The following HHAT variants were observed in gnomAD, a reference collection of about 807,000 sequenced individuals.
HHAT encodes the protein hedgehog acyltransferase.
A neutral mutation model predicts 70.8 loss-of-function variants in HHAT; 47 were observed. The observed-to-expected ratio is 0.66, with a 90% CI of 0.53 to 0.85. The LOEUF is 0.85. Ranked by LOEUF, HHAT falls within the 40% of genes least tolerant of loss-of-function variation. The pLI, the probability that HHAT is intolerant of heterozygous loss-of-function variation, is 0.00. For synonymous variants in HHAT, 228 were observed against 247.6 expected, an observed-to-expected ratio of 0.92 and a Z score of 0.74; for missense variants, 609 against 604.8, an observed-to-expected ratio of 1.01 and a Z score of -0.07.
intron 11 of HHAT, among the ~76,000 whole-genome samples, chr1:210,637,842 G>C (rs1361535197): frequency 7.5e-6 from 1 of 132,790 alleles, no homozygotes; most frequent in Admixed American, 8.1e-5. Context: ...TCTGGCAACA[G>C]AGTGAGACTC....
chr1:210,365,015 G>A (rs867489330), intron 3 of HHAT, among the ~76,000 whole-genome samples: 1 of 152,270 alleles, frequency 6.6e-6, no homozygotes, highest in Middle Eastern at 3.4e-3. Flanking sequence ...TGCATGTGGG[G>A]TGGGTGGTTT....
chr1:210,363,682 G>T (rs2148030511), intron 3 of HHAT, among the ~76,000 whole-genome samples: 1 of 152,274 alleles, frequency 6.6e-6, no homozygotes, highest in African/African-American at 2.4e-5. Flanking sequence ...CATGGTGGGG[G>T]CTTCGGGTCA....
intron 8 of HHAT, among the ~76,000 whole-genome samples, chr1:210,470,186 C>T (rs1178703722): frequency 6.6e-6 from 1 of 151,982 alleles, no homozygotes; most frequent in Non-Finnish European, 1.5e-5. Flanking sequence ...AAAGAAAGAC[C>T]CGATAGGGTG....
intron 10 of HHAT, among the ~76,000 whole-genome samples, chr1:210,605,474 G>T (rs1232218149): frequency 6.6e-6 from 1 of 152,078 alleles, no homozygotes; most frequent in Non-Finnish European, 1.5e-5. Context: ...GGACAACATG[G>T]GTTTCGATTG....
intron 8 of HHAT, among the ~76,000 whole-genome samples, chr1:210,472,351 C>T (rs1376693137): frequency 6.6e-6 from 1 of 152,184 alleles, no homozygotes; most frequent in East Asian, 1.9e-4. Flanking sequence ...GAGTAACTCT[C>T]CTCAGATCAC....
At chr1:210,615,360 T>C (rs1159271062) in intron 10 of HHAT, among the ~76,000 whole-genome samples, 1 of 152,248 alleles carries the variant, frequency 6.6e-6, no homozygotes, top group Admixed American at 6.5e-5. Flanking sequence ...TCAATGTTTT[T>C]AACTTCTTTG....
chr1:210,374,755 T>C (rs1571989496), intron 3 of HHAT, among the ~76,000 whole-genome samples: 1 of 141,418 alleles, frequency 7.1e-6, no homozygotes. Context: ...GCTTCCCCAG[T>C]GGGGAATCTT....
At chr1:210,397,403 T>C (rs4845012) in intron 4 of HHAT, among the ~76,000 whole-genome samples, 1 of 152,106 alleles carries the variant, frequency 6.6e-6, no homozygotes, top group East Asian at 1.9e-4. Flanking sequence ...TTTTGGTGTT[T>C]AGGTGGGTTT....
At chr1:210,646,325 A>G (rs1674061154) in intron 11 of HHAT, among the ~76,000 whole-genome samples, 1 of 152,206 alleles carries the variant, frequency 6.6e-6, no homozygotes, top group South Asian at 2.1e-4. Flanking sequence ...AGAAAAAAAT[A>G]TTTACAAACT....
At chr1:210,378,084 C>T (rs1369090116) in intron 3 of HHAT, among the ~76,000 whole-genome samples, 1 of 152,206 alleles carries the variant, frequency 6.6e-6, no homozygotes, top group Non-Finnish European at 1.5e-5. Flanking sequence ...AAAGAAAACT[C>T]TTCCAATAAT....
intron 10 of HHAT, among the ~76,000 whole-genome samples, chr1:210,606,463 A>G (rs1665458542): frequency 6.8e-6 from 1 of 146,232 alleles, no homozygotes; most frequent in African/African-American, 2.5e-5. Flanking sequence ...TCTCAGATAG[A>G]ATTTTCCACA....
chr1:210,545,570 A>G (rs1238818615), intron 9 of HHAT, among the ~76,000 whole-genome samples: 1 of 151,256 alleles, frequency 6.6e-6, no homozygotes, highest in African/African-American at 2.4e-5. Context: ...CTAAGTAGCT[A>G]GGACTACAGG....
intron 9 of HHAT, among the ~76,000 whole-genome samples, chr1:210,556,184 C>T (rs1444509191): frequency 6.6e-6 from 1 of 152,130 alleles, no homozygotes; most frequent in Non-Finnish European, 1.5e-5. Flanking sequence ...GTGTAAATTG[C>T]AGCCCTTCCA....
intron 11 of HHAT, among the ~76,000 whole-genome samples, chr1:210,656,582 T>C (rs1676469809): frequency 1.3e-5 from 2 of 152,164 alleles, no homozygotes; most frequent in Non-Finnish European, 2.9e-5. Flanking sequence ...AGAGCAGCTA[T>C]AGCGTGAGAC....
rs115241059 is a variant in HHAT, at chr1:210,436,815, C to G, written c.856+18490C>G. On this transcript the variant is annotated intron_variant, in intron 7 of 11. Transcript: ENST00000261458. ...TTTCCCTTTGGCAGTAAGGGTTAGG[C>G]CTCTCAGCTTGTACTATAACTCCTC... Among the ~76,000 whole-genome samples the G allele has an allele frequency of 2.7e-3, 414 of 151,956 alleles. 2 individuals carry two copies. Among genetic ancestry groups the G allele is most frequent in the Non-Finnish European group, 3.7e-3 (255 of 68,016 alleles).
intron 9 of HHAT, among the ~76,000 whole-genome samples, chr1:210,541,435 A>G (rs2095429752): frequency 1.3e-5 from 2 of 152,160 alleles, no homozygotes; most frequent in African/African-American, 4.8e-5. Context: ...ACTGCTCTAG[A>G]AAAGAATACC....
chr1:210,605,754 G>T (rs1665269685), intron 10 of HHAT, among the ~76,000 whole-genome samples: 1 of 151,970 alleles, frequency 6.6e-6, no homozygotes, highest in African/African-American at 2.4e-5. Flanking sequence ...CCATTCTTGG[G>T]TCCCTTTCCC....
intron 9 of HHAT, among the ~76,000 whole-genome samples, chr1:210,559,180 T>A (rs886087602): frequency 1.3e-5 from 2 of 152,176 alleles, no homozygotes; most frequent in Non-Finnish European, 2.9e-5. Context: ...CTGTAGCCTC[T>A]TATTGTGCTT....
At chr1:210,445,809 A>T (rs1448674498) in intron 7 of HHAT, among the ~76,000 whole-genome samples, 2 of 151,104 alleles carry the variant, frequency 1.3e-5, no homozygotes, top group African/African-American at 4.9e-5. Flanking sequence ...TATTTTCTGG[A>T]TTCTCCTTCC....
Sources: allele counts gnomAD v4.1 joint callset (sites outside exome capture counted in the v4.1 genomes callset), GRCh38; gene constraint gnomAD v4.1.1; transcripts MANE v1.5; gene names NCBI Gene and HGNC (gene_info 2026-07-23, HGNC 2026-07-21).